SASS6: variants seen among roughly 807,000 people sequenced by gnomAD.
SASS6 encodes the protein SAS-6 centriolar assembly protein.
A neutral mutation model predicts 94.9 loss-of-function variants in SASS6; 59 were observed. The ratio of observed to expected loss-of-function variants is 0.62; its 90% CI spans 0.50 to 0.77. SASS6 has a LOEUF of 0.77. SASS6 is among the 30% of genes least tolerant of loss of function. The pLI is 0.00. For synonymous variants in SASS6, 264 were observed against 270.0 expected, an observed-to-expected ratio of 0.98 and a Z score of 0.22; for missense variants, 698 against 734.1, an observed-to-expected ratio of 0.95 and a Z score of 0.57.
intron 4 of SASS6, among the ~76,000 whole-genome samples, 156 bp downstream of exon 4, chr1:100,122,224 C>G (rs751359544): frequency 2.6e-5 from 4 of 152,146 alleles, no homozygotes; most frequent in Admixed American, 6.5e-5. Context: ...AATCAAGATG[C>G]CTTAAAGTCT....
intron 8 of SASS6, among the ~76,000 whole-genome samples, chr1:100,109,900 A>G (rs1433164000): frequency 1.3e-5 from 2 of 151,982 alleles, no homozygotes; most frequent in African/African-American, 2.4e-5. Context: ...TACTATTACC[A>G]TTATCATTAT....
intron 14 of SASS6, among the ~76,000 whole-genome samples, chr1:100,097,770 C>A (rs1173451063): frequency 6.6e-6 from 1 of 151,934 alleles, no homozygotes; most frequent in Non-Finnish European, 1.5e-5. Context: ...GTCGAGGCTG[C>A]AATAAGCCAT....
chr1:100,126,021 G>C, intron 1 of SASS6, 79 bp from the exon 2 acceptor site: 1 of 731,898 alleles, frequency 1.4e-6, no homozygotes, highest in South Asian at 1.9e-5. Context: ...TAAGTTTTCA[G>C]TCTTAAGTGA....
intron 14 of SASS6, among the ~76,000 whole-genome samples, chr1:100,097,081 C>T (rs1652155158): frequency 6.6e-6 from 1 of 152,156 alleles, no homozygotes; most frequent in South Asian, 2.1e-4. Context: ...CACCACTGCA[C>T]TCCAGCCTGG....
chr1:100,085,401 T>G lies in SASS6; in HGVS notation c.1901A>C (p.His634Pro). ...GAGCGCTGTGGGTTTGGAAGATGTATGTAATGCTCCTAAAGTGCCATCTCT... is the reference window on the plus strand; with the variant it reads ...GAGCGCTGTGGGTTTGGAAGATGTAGGTAATGCTCCTAAAGTGCCATCTCT... ...HQRDGTLGAL[H>P]TSSKPTALPS... Residue 634 changes from histidine (H) to proline (P), a missense_variant, in exon 17 of 17, where the codon CAT (histidine) becomes CCT (proline). By Grantham distance (77) the His-to-Pro change is moderately conservative. Coordinates refer to ENST00000287482, the MANE Select transcript of SASS6 (RefSeq NM_194292.3). The G allele has an allele frequency of 6.2e-7, 1 of 1,613,554 alleles. No individual in the cohort carries two copies. The highest frequency in any genetic ancestry group is 8.5e-7 in the Non-Finnish European group (1 of 1,179,536).
chr1:100,110,353 C>T lies in SASS6; in HGVS notation c.800G>A (p.Arg267Lys), dbSNP rs770484347. The change falls in exon 8 of 17, where the codon AGA (arginine) becomes AAA (lysine). Residue 267 changes from arginine to lysine, a missense_variant. Transcript: ENST00000287482. The part of the protein sequence containing the change: ...LEAANKDLTE[R>K]KYKGDSTIRE... ...AATAGTGGAGTCTCCTTTATATTTT[C>T]TTTCGGTTAAGTCTTTATTAGCCGC... 51 of 1,607,402 alleles carry T rather than the reference C, an allele frequency of 3.2e-5. No homozygotes were observed. Among genetic ancestry groups the T allele is most frequent in the Middle Eastern group, 1.7e-4 (1 of 6,038 alleles).
chr1:100,122,615 C>G, intron 3 of SASS6, 131 bp from the exon 4 acceptor site: 33 of 381,142 alleles, frequency 8.7e-5, no homozygotes, highest in Non-Finnish European at 1.2e-4. Flanking sequence ...TGCAGTGGTG[C>G]AATCTTGGCT....
At chr1:100,101,805 T>C (rs927806054) in intron 14 of SASS6, among the ~76,000 whole-genome samples, 2 of 152,196 alleles carry the variant, frequency 1.3e-5, no homozygotes, top group East Asian at 3.9e-4. Flanking sequence ...GGCTTAATTT[T>C]CATTTAACTG....
intron 2 of SASS6, among the ~76,000 whole-genome samples, chr1:100,123,529 A>T (rs1032613955): frequency 6.6e-6 from 1 of 152,240 alleles, no homozygotes; most frequent in African/African-American, 2.4e-5. Context: ...AAGTGCTAGG[A>T]GTTGAAAGTT....
At chr1:100,130,633 GA>G (rs1453107839) in intron 1 of SASS6, among the ~76,000 whole-genome samples, 1 of 150,184 alleles carries the variant, frequency 6.7e-6, no homozygotes, top group Non-Finnish European at 1.5e-5. Flanking sequence ...AGGCTGCAGT[GA>G]GCTGTAATCG....
At chr1:100,115,626 A>G (rs375864444) in intron 7 of SASS6, among the ~76,000 whole-genome samples, 6 of 152,266 alleles carry the variant, frequency 3.9e-5, no homozygotes, top group African/African-American at 1.4e-4. Flanking sequence ...CCAGGAGTTC[A>G]AGACCAGCGT....
intron 5 of SASS6, among the ~76,000 whole-genome samples, chr1:100,121,049 CA>C (rs781458509): frequency 4.4e-3 from 214 of 48,280 alleles, no homozygotes; most frequent in East Asian, 0.023. Flanking sequence ...GACTCCGTCT[CA>C]AAAAAAAAAA....
chr1:100,132,615 G>C, intron 1 of SASS6, 135 bp downstream of exon 1: 5 of 779,728 alleles, frequency 6.4e-6, no homozygotes, highest in Non-Finnish European at 9.0e-6. Context: ...GGCCCTCTGG[G>C]TTCCCTATCC....
Position 100,085,579 on chromosome 1 carries a change from G to A in SASS6, c.1824C>T (p.Ser608=), listed in dbSNP as rs765667962. The A allele has an allele frequency of 4.4e-5, 71 of 1,613,034 alleles. No individual in the cohort carries two copies. In the East Asian group the frequency reaches 1.6e-3, roughly 35 times the overall value. ...ESKYLKKRED[S]IPLRGLSQNL... The stretch of plus-strand genomic sequence containing the variant: ...TCTGGCTGAGTCCGCGTAAAGGAAT[G>A]CTATCTTCCCTTTTCTTCAGGTATT... The change falls in exon 16 of 17, where the codon AGC becomes AGT. Residue 608 remains serine (S), a synonymous_variant. Coordinates refer to ENST00000287482, the MANE Select transcript of SASS6 (RefSeq NM_194292.3).
Position 100,123,273 on chromosome 1 carries a change from A to C in SASS6, c.143T>G (p.Leu48Arg). 2 of 1,546,756 alleles carry C rather than the reference A, an allele frequency of 1.3e-6. No individual in the cohort carries two copies. The highest frequency in any genetic ancestry group is 1.8e-6 in the Non-Finnish European group (2 of 1,127,586). ...AAAAAATGGATCCGTGTCATCAGTCAGACGAATAACTAAGTCCTAAAAGAA... is the reference window on the plus strand; with the variant it reads ...AAAAAATGGATCCGTGTCATCAGTCCGACGAATAACTAAGTCCTAAAAGAA... ...PVHRKDLVIR[L>R]TDDTDPFFLY... is the part of the protein sequence containing the mutation. Residue 48 changes from leucine to arginine, a missense_variant, in exon 3 of 17, where the codon CTG becomes CGG. Physicochemically the swap from Leu to Arg is moderately radical, Grantham distance 102. Transcript: ENST00000287482.
chr1:100,093,405 T>G (rs1651892731), intron 14 of SASS6, among the ~76,000 whole-genome samples: 1 of 152,194 alleles, frequency 6.6e-6, no homozygotes, highest in Non-Finnish European at 1.5e-5. Flanking sequence ...ATTTCTAGTT[T>G]AATTCCAGAC....
intron 8 of SASS6, among the ~76,000 whole-genome samples, chr1:100,110,001 T>A (rs1000628443): frequency 6.6e-6 from 1 of 151,976 alleles, no homozygotes; most frequent in Non-Finnish European, 1.5e-5. Context: ...CAGTACCCTA[T>A]GAAATACAGG....
intron 1 of SASS6, among the ~76,000 whole-genome samples, chr1:100,126,763 C>G (rs757573718): frequency 6.6e-6 from 1 of 151,532 alleles, no homozygotes; most frequent in Non-Finnish European, 1.5e-5. Context: ...GCAACAGAGA[C>G]CCTGTCTCAA....
chr1:100,113,460 A>G (rs1376231374), intron 7 of SASS6, among the ~76,000 whole-genome samples: 1 of 151,994 alleles, frequency 6.6e-6, no homozygotes, highest in Admixed American at 6.6e-5. Flanking sequence ...GACAAAAAAA[A>G]GTACAAAAAA....
Sources: allele counts gnomAD v4.1 joint callset (sites outside exome capture counted in the v4.1 genomes callset), GRCh38; gene constraint gnomAD v4.1.1; transcripts MANE v1.5; gene names NCBI Gene and HGNC (gene_info 2026-07-23, HGNC 2026-07-21).